Variants in CEMIP observed in about 807,000 individuals in gnomAD.
CEMIP encodes cell migration inducing hyaluronidase 1, also known as cell migration-inducing and hyaluronan-binding protein.
In CEMIP, 105 loss-of-function variants were observed where a neutral mutation model predicts 156.9. The observed-to-expected ratio is 0.67, with a 90% CI of 0.57 to 0.79. The LOEUF (loss-of-function observed/expected upper bound fraction) is 0.79, where lower values mean the gene tolerates loss of function less well. Ranked by LOEUF, CEMIP falls within the 30% of genes least tolerant of loss-of-function variation. The pLI is 0.00. For missense variants in CEMIP, 1,457 were observed against 1,769.4 expected, an observed-to-expected ratio of 0.82 and a Z score of 3.17; for synonymous variants, 676 against 668.4, an observed-to-expected ratio of 1.01 and a Z score of -0.17.
chr15:80,883,873 G>A (rs1220098337), intron 6 of CEMIP, among the ~76,000 whole-genome samples: 1 of 152,202 alleles, frequency 6.6e-6, no homozygotes, highest in East Asian at 1.9e-4. Flanking sequence ...TAGACCTCAA[G>A]TATGTGACCC....
At chr15:80,909,363 G>A (rs1367148988) in intron 14 of CEMIP, 57 bp downstream of exon 14, 2 of 1,554,484 alleles carry the variant, frequency 1.3e-6, no homozygotes, top group East Asian at 4.5e-5. Flanking sequence ...GGTTAGCACT[G>A]GAGGGGTGTT....
intron 1 of CEMIP, among the ~76,000 whole-genome samples, chr15:80,825,069 A>T (rs773479656): frequency 6.6e-6 from 1 of 152,176 alleles, no homozygotes; most frequent in Non-Finnish European, 1.5e-5. Flanking sequence ...CCAGCTAAAG[A>T]GGGAGGAAGG....
At chr15:80,815,287 C>A (rs1896764655) in intron 1 of CEMIP, among the ~76,000 whole-genome samples, 1 of 152,214 alleles carries the variant, frequency 6.6e-6, no homozygotes, top group South Asian at 2.1e-4. Flanking sequence ...CTGTGGCCTG[C>A]CTGGCCCAAT....
At chr15:80,852,724 C>T (rs1897744113) in intron 1 of CEMIP, among the ~76,000 whole-genome samples, 1 of 152,126 alleles carries the variant, frequency 6.6e-6, no homozygotes, top group Non-Finnish European at 1.5e-5. Flanking sequence ...TATGCCAGGA[C>T]CCTGGAGAAC....
At chr15:80,837,964 AC>A (rs1443583580) in intron 1 of CEMIP, among the ~76,000 whole-genome samples, 2 of 152,020 alleles carry the variant, frequency 1.3e-5, no homozygotes, top group Non-Finnish European at 2.9e-5. Context: ...AGGTGAGAAC[AC>A]CCTTTCTCCC....
chr15:80,791,301 T>C (rs1433028482), intron 1 of CEMIP, among the ~76,000 whole-genome samples: 1 of 152,120 alleles, frequency 6.6e-6, no homozygotes, highest in Non-Finnish European at 1.5e-5. Flanking sequence ...AAGGTTGGGC[T>C]TGTCTTCCTC....
rs1898371976 is a variant in CEMIP, at chr15:80,873,732, T to C, written c.-17+36T>C. 4.4e-6 allele frequency: 3 copies of C among 677,954 alleles called. No individual in the cohort carries two copies. The Admixed American group carries it at 6.3e-5, about 14-fold the overall frequency. The allele number at this position is 677,954 out of a possible 1,614,324, so 42.0% of individuals were successfully genotyped here. A position where few individuals can be genotyped will look rare whatever the true frequency, so the allele number is the denominator to read the frequency against. The stretch of plus-strand genomic sequence containing the variant: ...TGCACTGGAGTGTGGGCTGGCTGAG[T>C]GTGCCCATTCTGTCACTGCCTGTCC... On this transcript the variant is annotated intron_variant, in intron 2 of 29. Transcript: ENST00000394685.
In CEMIP at chr15:80,814,862, C is replaced by T. The variant is rs911112244; in HGVS notation, c.-176+35248C>T. 3.3e-5 allele frequency among the ~76,000 whole-genome samples: 5 copies of T among 152,080 alleles called. No individual in the cohort carries two copies. The South Asian group carries it at 8.3e-4, about 25-fold the overall frequency. On this transcript the variant is annotated intron_variant, in intron 1 of 29. Transcript: ENST00000394685. ...TAGGGGTGTGCTTTCTTTTTCTCTC[C>T]TTTTTTAAGAGATGGGAGTCTCACT... is the stretch of plus-strand genomic sequence containing the variant.
Position 80,920,312 on chromosome 15 carries a change from A to C in CEMIP, c.2003+13A>C, listed in dbSNP as rs1038709499. ...GGCAAGACTGCAAGTAAGTGCCTGG[A>C]CCCCTCTCTGTGTGCTGGGGGGAAG... On this transcript the variant is annotated intron_variant, in intron 15 of 29. Transcript: ENST00000394685. 3.1e-6 allele frequency: 5 copies of C among 1,610,648 alleles called. No individual in the cohort carries two copies. In the African/African-American group the frequency reaches 6.7e-5, roughly 22 times the overall value.
rs745548423 is a variant in CEMIP at position 80,931,973 on chromosome 15, C to T, written c.2727C>T (p.Arg909=). The T allele has an allele frequency of 7.4e-6, 12 of 1,614,068 alleles. No individual in the cohort carries two copies. The Middle Eastern group carries it at 6.6e-4, about 88-fold the overall frequency. The change falls in exon 22 of 30, where the codon CGC becomes CGT. Residue 909 remains arginine (R), a synonymous_variant. Transcript: ENST00000394685. The part of the protein sequence containing the change: ...EGRHTSALAF[R]LNNAWQSCPH... The stretch of plus-strand genomic sequence containing the variant: ...GGCACACCAGCGCCCTGGCCTTCCG[C>T]CTGAATAATGCCTGGCAGAGCTGCC...
chr15:80,915,873 C>T (rs923880251), intron 14 of CEMIP, among the ~76,000 whole-genome samples: 2 of 152,072 alleles, frequency 1.3e-5, no homozygotes, highest in Non-Finnish European at 1.5e-5. Flanking sequence ...AACCCACCAC[C>T]ATACTCTATG....
intron 12 of CEMIP, among the ~76,000 whole-genome samples, chr15:80,903,511 G>T (rs1249106145): frequency 6.6e-6 from 1 of 152,324 alleles, no homozygotes; most frequent in South Asian, 2.1e-4. Flanking sequence ...AAGGATGATG[G>T]TCTGGTCTGG....
Position 80,881,579 on chromosome 15 carries a change from C to T in CEMIP, c.617+443C>T, listed in dbSNP as rs137963003. Among the ~76,000 whole-genome samples, 18 of 152,228 alleles carry T rather than the reference C, an allele frequency of 1.2e-4. No individual in the cohort carries two copies. In the East Asian group the frequency reaches 2.3e-3, roughly 20 times the overall value. On this transcript the variant is annotated intron_variant, in intron 6 of 29. Coordinates refer to ENST00000394685, the MANE Select transcript of CEMIP (RefSeq NM_001293298.2). ...TATGAAAGGGCATGACATTCTCAAA[C>T]GATGGAAAGGCCACCAGAGTTGTGG...
intron 7 of CEMIP, among the ~76,000 whole-genome samples, chr15:80,886,858 T>C (rs976508762): frequency 1.1e-4 from 17 of 152,126 alleles, no homozygotes; most frequent in South Asian, 2.1e-4. Context: ...CTTCCTTCTG[T>C]GTTTGGGGAT....
At chr15:80,884,130 G>C in intron 6 of CEMIP, 45 bp from the exon 7 acceptor site, 1 of 1,597,850 alleles carries the variant, frequency 6.3e-7, no homozygotes, top group Non-Finnish European at 8.6e-7. Context: ...CTTTGTTTTG[G>C]CTGCGGTCAA....
Position 80,949,024 on chromosome 15 carries a change from G to C in CEMIP, c.*100G>C. The C allele has an allele frequency of 6.6e-7, 1 of 1,521,520 alleles. No individual in the cohort carries two copies. The highest frequency in any genetic ancestry group is 9.1e-7 in the Non-Finnish European group (1 of 1,101,290). 94.3% of individuals were successfully genotyped at this position (1,521,520 alleles called of 1,614,324 possible). Reference sequence around the variant, plus strand: ...CTGGGTCCCCCAGCCCCTGCCAGCAGCTGCCTGGGAAGGCCGTGTTTCAGC... The same window carrying C: ...CTGGGTCCCCCAGCCCCTGCCAGCACCTGCCTGGGAAGGCCGTGTTTCAGC... On this transcript the variant is annotated 3_prime_UTR_variant, in exon 30 of 30. Coordinates refer to ENST00000394685, the MANE Select transcript of CEMIP (RefSeq NM_001293298.2).
chr15:80,846,681 G>T (rs1365021400), intron 1 of CEMIP, among the ~76,000 whole-genome samples: 1 of 152,248 alleles, frequency 6.6e-6, no homozygotes, highest in Non-Finnish European at 1.5e-5. Flanking sequence ...CTGCCTGCCG[G>T]TGGTCCCGAT....
At chr15:80,839,641 G>A (rs1404946334) in intron 1 of CEMIP, among the ~76,000 whole-genome samples, 3 of 152,172 alleles carry the variant, frequency 2.0e-5, no homozygotes, top group Non-Finnish European at 4.4e-5. Context: ...TGCTGCAAAT[G>A]CTTCAGGAGA....
chr15:80,915,255 C>T (rs1046019943), intron 14 of CEMIP, among the ~76,000 whole-genome samples: 4 of 152,138 alleles, frequency 2.6e-5, no homozygotes, highest in African/African-American at 4.8e-5. Flanking sequence ...CTGCGTAAGA[C>T]GGGGGTTTGT....
Sources: gnomAD v4.1 joint callset for allele counts (sites outside exome capture counted in the v4.1 genomes callset) on GRCh38, gnomAD v4.1.1 for gene constraint, MANE v1.5 for transcripts, NCBI Gene and HGNC (gene_info 2026-07-23, HGNC 2026-07-21) for gene names.